NXPH1: variants seen among roughly 807,000 people sequenced by gnomAD.
NXPH1 encodes neurexophilin-1.
In NXPH1, 5 loss-of-function variants were observed where a neutral mutation model predicts 23.7. The observed-to-expected ratio is 0.21, with a 90% CI of 0.11 to 0.44. NXPH1 has a LOEUF of 0.44. Ranked by LOEUF, NXPH1 falls within the 20% of genes least tolerant of loss-of-function variation. The pLI is 0.99. For missense variants in NXPH1, 324 were observed against 321.6 expected, an observed-to-expected ratio of 1.01 and a Z score of -0.06; for synonymous variants, 144 against 122.2, an observed-to-expected ratio of 1.18 and a Z score of -1.18.
Position 8,697,157 on chromosome 7 carries a change from C to CA in NXPH1, c.55-53828dup, listed in dbSNP as rs139349283. Among the ~76,000 whole-genome samples, 927 of 104,764 alleles carry CA rather than the reference C, an allele frequency of 8.8e-3. 10 individuals are homozygous for CA. The highest frequency in any genetic ancestry group is 0.018 in the South Asian group (52 of 2,968). The allele number at this position is 104,764 out of a possible 152,430, so 68.7% of individuals were successfully genotyped here. ...TGGGTGACAGGGAAAGATTCTGTTTCAAAAAAAAAAAAAAAAAAAAAAAGT... is the reference window on the plus strand; with the variant it reads ...TGGGTGACAGGGAAAGATTCTGTTTCAAAAAAAAAAAAAAAAAAAAAAAAGT... On this transcript the variant is annotated intron_variant, in intron 2 of 2. Transcript: ENST00000405863.
At chr7:8,530,118 A>G (rs537835563) in intron 2 of NXPH1, among the ~76,000 whole-genome samples, 1 of 152,224 alleles carries the variant, frequency 6.6e-6, no homozygotes, top group South Asian at 2.1e-4. Flanking sequence ...TTACCACGGG[A>G]TGTAGAGAAA....
chr7:8,670,813 T>G (rs368520615), intron 2 of NXPH1, among the ~76,000 whole-genome samples: 59 of 152,344 alleles, frequency 3.9e-4, no homozygotes, highest in African/African-American at 1.4e-3. Context: ...AGGGTCTCTT[T>G]GTTCCTGCTT....
At chr7:8,446,585 T>A (rs899711012) in intron 2 of NXPH1, among the ~76,000 whole-genome samples, 1 of 152,228 alleles carries the variant, frequency 6.6e-6, no homozygotes, top group Non-Finnish European at 1.5e-5. Context: ...GCTTTTTGAA[T>A]GTAGTTAAAT....
At chr7:8,663,897 T>C (rs1237902950) in intron 2 of NXPH1, among the ~76,000 whole-genome samples, 1 of 152,078 alleles carries the variant, frequency 6.6e-6, no homozygotes, top group Non-Finnish European at 1.5e-5. Flanking sequence ...TTCTCAAAGG[T>C]CTTGCTACCC....
intron 2 of NXPH1, among the ~76,000 whole-genome samples, chr7:8,746,301 G>A (rs918772765): frequency 6.6e-6 from 1 of 152,174 alleles, no homozygotes; most frequent in Non-Finnish European, 1.5e-5. Context: ...AGCAAGGACT[G>A]AGGGAATAAG....
At chr7:8,557,659 A>G (rs1818381562) in intron 2 of NXPH1, among the ~76,000 whole-genome samples, 1 of 151,604 alleles carries the variant, frequency 6.6e-6, no homozygotes, top group Non-Finnish European at 1.5e-5. Flanking sequence ...TATTTTGAGT[A>G]TTGTACAGAA....
intron 2 of NXPH1, among the ~76,000 whole-genome samples, chr7:8,674,040 G>C (rs1259501572): frequency 6.6e-6 from 1 of 152,016 alleles, no homozygotes; most frequent in Non-Finnish European, 1.5e-5. Context: ...TTGCAAATAA[G>C]ATACAGTATT....
chr7:8,473,923 T>C (rs537638649), intron 2 of NXPH1, among the ~76,000 whole-genome samples: 79 of 152,236 alleles, frequency 5.2e-4, no homozygotes, highest in African/African-American at 1.8e-3. Context: ...CATTTTCCAC[T>C]TGAACTGCTG....
intron 2 of NXPH1, among the ~76,000 whole-genome samples, chr7:8,648,264 T>A (rs566145934): frequency 6.7e-4 from 102 of 151,868 alleles, no homozygotes; most frequent in East Asian, 1.9e-4. Flanking sequence ...TTATTCATTC[T>A]TTTTTTTTCT....
intron 2 of NXPH1, among the ~76,000 whole-genome samples, chr7:8,730,271 T>G (rs1415122079): frequency 5.7e-4 from 85 of 149,988 alleles, no homozygotes; most frequent in Non-Finnish European, 9.1e-4. Flanking sequence ...TACAGCACAC[T>G]GATGGGTCTT....
At chr7:8,651,950 A>G (rs1820497546) in intron 2 of NXPH1, among the ~76,000 whole-genome samples, 1 of 152,124 alleles carries the variant, frequency 6.6e-6, no homozygotes, top group African/African-American at 2.4e-5. Context: ...CTTATTCTGT[A>G]TATTTTTTCT....
chr7:8,444,939 T>C (rs749603762), intron 2 of NXPH1, among the ~76,000 whole-genome samples: 9 of 152,250 alleles, frequency 5.9e-5, no homozygotes, highest in Non-Finnish European at 1.0e-4. Flanking sequence ...TTATGGCATA[T>C]TGTGATTACC....
chr7:8,536,626 G>T (rs1014030146), intron 2 of NXPH1, among the ~76,000 whole-genome samples: 1 of 151,800 alleles, frequency 6.6e-6, no homozygotes, highest in Non-Finnish European at 1.5e-5. Flanking sequence ...AGGAAGTGAC[G>T]TCATTGGTTC....
At chr7:8,523,309 C>T (rs1817804332) in intron 2 of NXPH1, among the ~76,000 whole-genome samples, 1 of 152,228 alleles carries the variant, frequency 6.6e-6, no homozygotes, top group Admixed American at 6.5e-5. Flanking sequence ...AGATGTTAAT[C>T]TGACCTCTTC....
intron 2 of NXPH1, among the ~76,000 whole-genome samples, chr7:8,592,054 G>T (rs563117976): frequency 5.9e-5 from 9 of 151,954 alleles, no homozygotes; most frequent in Non-Finnish European, 1.3e-4. Flanking sequence ...GGATAATCTG[G>T]AGAGGCGAAA....
chr7:8,548,666 T>A (rs568180975), intron 2 of NXPH1, among the ~76,000 whole-genome samples: 1 of 151,652 alleles, frequency 6.6e-6, no homozygotes, highest in African/African-American at 2.4e-5. Context: ...GCCTGATTTA[T>A]GGAGTTGGCA....
intron 2 of NXPH1, among the ~76,000 whole-genome samples, chr7:8,594,678 C>A (rs528062746): frequency 4.6e-5 from 7 of 151,920 alleles, no homozygotes; most frequent in African/African-American, 1.4e-4. Context: ...CTCGGTGGAA[C>A]CTTCTCAAGG....
chr7:8,541,469 C>A (rs1370831000), intron 2 of NXPH1, among the ~76,000 whole-genome samples: 1 of 151,290 alleles, frequency 6.6e-6, no homozygotes, highest in South Asian at 2.1e-4. Context: ...GTTATAAATC[C>A]AAGAAGTCCA....
rs151011330 is a variant in NXPH1, at chr7:8,689,992, G to A, written c.55-61016G>A. ...TGTTACCTTACTAAGACCATAATAAGCCTAGGTGAATATGAATTGCCTTTC... is the reference window on the plus strand; with the variant it reads ...TGTTACCTTACTAAGACCATAATAAACCTAGGTGAATATGAATTGCCTTTC... On this transcript the variant is annotated intron_variant, in intron 2 of 2. Coordinates refer to ENST00000405863, the MANE Select transcript of NXPH1 (RefSeq NM_152745.3). 4.6e-5 allele frequency among the ~76,000 whole-genome samples: 7 copies of A among 152,276 alleles called. 1 individual carries two copies. Among genetic ancestry groups the A allele is most frequent in the African/African-American group, 1.2e-4 (5 of 41,554 alleles).
Sources: allele counts gnomAD v4.1 joint callset (sites outside exome capture counted in the v4.1 genomes callset), GRCh38; gene constraint gnomAD v4.1.1; transcripts MANE v1.5; gene names NCBI Gene and HGNC (gene_info 2026-07-23, HGNC 2026-07-21).